TNFRSF10D: variants seen among roughly 807,000 people sequenced by gnomAD.
TNFRSF10D encodes the protein tumor necrosis factor receptor superfamily member 10D.
Under a neutral mutation model 42.1 loss-of-function variants are expected in TNFRSF10D, and 28 were observed. That is an observed-to-expected ratio of 0.66 (90% CI 0.49 to 0.91). The LOEUF (loss-of-function observed/expected upper bound fraction) is 0.91, where lower values mean the gene tolerates loss of function less well. Among genes scored for constraint, TNFRSF10D ranks in the 40% least tolerant of loss-of-function variants. TNFRSF10D has a pLI of 0.00. For synonymous variants in TNFRSF10D, 186 were observed against 189.4 expected (o/e 0.98, Z 0.15); for missense variants, 503 against 486.1 (o/e 1.03, Z -0.33).
chr8:23,163,482 G>A (rs1009439907), intron 1 of TNFRSF10D, among the ~76,000 whole-genome samples: 3 of 152,112 alleles, frequency 2.0e-5, no homozygotes. Context: ...GTTCACTCCG[G>A]GGTTTCCATC....
rs778234619 is a variant in TNFRSF10D at position 23,147,023 on chromosome 8, C to A, written c.420G>T (p.Gln140His). The A allele has an allele frequency of 2.5e-6, 4 of 1,613,784 alleles. No homozygotes were observed. The South Asian group carries it at 3.3e-5, about 13-fold the overall frequency. ...TATCCTGGAAGCTTCCTTTTTCACACTGACACACGGTGTCTCTGGTCGTGG... is the reference window on the plus strand; with the variant it reads ...TATCCTGGAAGCTTCCTTTTTCACAATGACACACGGTGTCTCTGGTCGTGG... ...SCTTTRDTVC[Q>H]CEKGSFQDKN... Residue 140 changes from glutamine (Q) to histidine (H), a missense_variant, in exon 4 of 9, where the codon CAG becomes CAT. Coordinates refer to ENST00000312584, the MANE Select transcript of TNFRSF10D (RefSeq NM_003840.5).
chr8:23,149,142 A>C (rs1800175096), intron 2 of TNFRSF10D, among the ~76,000 whole-genome samples: 1 of 140,984 alleles, frequency 7.1e-6, no homozygotes, highest in South Asian at 2.4e-4. Context: ...GTGAGCTGAG[A>C]CTGTGCCACT....
At chr8:23,158,435 G>A (rs988552656) in intron 1 of TNFRSF10D, among the ~76,000 whole-genome samples, 30 of 152,286 alleles carry the variant, frequency 2.0e-4, no homozygotes, top group Non-Finnish European at 3.8e-4. Context: ...GCTTTCCACA[G>A]ACAGCATCTG....
At chr8:23,158,909 T>C (rs1186247879) in intron 1 of TNFRSF10D, among the ~76,000 whole-genome samples, 7 of 152,226 alleles carry the variant, frequency 4.6e-5, no homozygotes. Flanking sequence ...GATAAGATAA[T>C]GACATGTCTA....
In TNFRSF10D at chr8:23,144,570, C is replaced by T. The variant is rs1800083979; in HGVS notation, c.834G>A (p.Glu278=). The change falls in exon 7 of 9, where the codon GAG becomes GAA. Residue 278 remains glutamate, a synonymous_variant. Transcript: ENST00000312584. ...VPGAEDNARN[E]TLSNRYLQPT... The stretch of plus-strand genomic sequence containing the variant: ...GCTGCAAGTATCTGTTACTCAGGGT[C>T]TCGTTGCGGGCATTGTCCTCCGCCC... 4 of 1,614,072 alleles carry T rather than the reference C, an allele frequency of 2.5e-6. No homozygotes were observed. The highest frequency in any genetic ancestry group is 1.3e-5 in the African/African-American group (1 of 74,932).
intron 1 of TNFRSF10D, among the ~76,000 whole-genome samples, chr8:23,158,899 G>A (rs559615078): frequency 1.3e-5 from 2 of 152,280 alleles, no homozygotes; most frequent in South Asian, 4.1e-4. Flanking sequence ...CTATCGCCGC[G>A]ATAAGATAAT....
At chr8:23,146,090 G>T (rs1334338565) in intron 4 of TNFRSF10D, among the ~76,000 whole-genome samples, 169 bp from the exon 5 acceptor site, 2 of 152,208 alleles carry the variant, frequency 1.3e-5, no homozygotes, top group African/African-American at 4.8e-5. Flanking sequence ...CTGGGGAAGG[G>T]TCTGAGCATG....
In TNFRSF10D at chr8:23,137,454, T is replaced by C. The variant is rs142028041; in HGVS notation, c.*416A>G. The C allele has an allele frequency of 5.9e-3, 934 of 158,420 alleles. No individual in the cohort carries two copies. The highest frequency in any genetic ancestry group is 0.019 in the African/African-American group (789 of 41,552). The allele number at this position is 158,420 out of a possible 1,614,324, so 9.8% of individuals were successfully genotyped here. On this transcript the variant is annotated 3_prime_UTR_variant, in exon 9 of 9. Coordinates refer to ENST00000312584, the MANE Select transcript of TNFRSF10D (RefSeq NM_003840.5). ...TCTCATGATGAAGAACTGCAAAGAA[T>C]GACATCCTAAAACCACTTTTTTTCT...
intron 2 of TNFRSF10D, among the ~76,000 whole-genome samples, chr8:23,153,593 T>G (rs1367777181): frequency 5.4e-3 from 828 of 151,932 alleles, no homozygotes; most frequent in African/African-American, 0.017. Flanking sequence ...AAAGAAGACA[T>G]AGAAGTGGCC....
intron 1 of TNFRSF10D, among the ~76,000 whole-genome samples, chr8:23,159,626 G>A (rs940736654): frequency 1.2e-4 from 19 of 152,128 alleles, no homozygotes; most frequent in African/African-American, 4.6e-4. Context: ...CATTTTGGAA[G>A]GCTGAGATGG....
In TNFRSF10D at chr8:23,163,989, C is replaced by T. The variant is rs1283889618; in HGVS notation, c.-54G>A. 2.0e-6 allele frequency: 3 copies of T among 1,502,564 alleles called. No homozygotes were observed. Among genetic ancestry groups the T allele is most frequent in the African/African-American group, 1.4e-5 (1 of 68,966 alleles). The allele number at this position is 1,502,564 out of a possible 1,614,324, so 93.1% of individuals were successfully genotyped here. ...CCAAAAATCAATCAGAAATCGTCCC[C>T]GTAGTTTGTGCGCGTGCAAAGGTTC... On this transcript the variant is annotated 5_prime_UTR_variant, in exon 1 of 9. Transcript: ENST00000312584.
chr8:23,154,152 G>A (rs1412707272), intron 2 of TNFRSF10D, among the ~76,000 whole-genome samples: 2 of 152,164 alleles, frequency 1.3e-5, no homozygotes, highest in Non-Finnish European at 2.9e-5. Flanking sequence ...TCACATATGT[G>A]GAATCTTAAA....
At chr8:23,146,195 A>AG (rs991766525) in intron 4 of TNFRSF10D, among the ~76,000 whole-genome samples, 2 of 152,192 alleles carry the variant, frequency 1.3e-5, no homozygotes, top group African/African-American at 4.8e-5. Flanking sequence ...CCTGGGCTGC[A>AG]GGGGAGGCCT....
intron 7 of TNFRSF10D, among the ~76,000 whole-genome samples, chr8:23,143,620 T>C (rs1800065316): frequency 6.6e-6 from 1 of 152,050 alleles, no homozygotes; most frequent in African/African-American, 2.4e-5. Flanking sequence ...GAACCTTGTC[T>C]AGGTAAGTAT....
chr8:23,152,187 A>T, intron 2 of TNFRSF10D, among the ~76,000 whole-genome samples: 1 of 152,228 alleles, frequency 6.6e-6, no homozygotes, highest in East Asian at 1.9e-4. Context: ...ACACAGAGGA[A>T]GCAACACAAC....
At chr8:23,138,564 C>A (rs993026923) in intron 7 of TNFRSF10D, among the ~76,000 whole-genome samples, 2 of 152,080 alleles carry the variant, frequency 1.3e-5, no homozygotes, top group Admixed American at 6.6e-5. Flanking sequence ...CCCCTTCTGC[C>A]CCATCTAATC....
rs751324527 is a variant in TNFRSF10D at position 23,144,544 on chromosome 8, G to T, written c.860C>A (p.Pro287His). ...NETLSNRYLQ[P>H]TQVSEQEIQG... ...GATTTCCTGCTCAGAGACCTGGGTG[G>T]GCTGCAAGTATCTGTTACTCAGGGT... Residue 287 changes from proline (P) to histidine (H), a missense_variant, in exon 7 of 9, where the codon CCC becomes CAC. Transcript: ENST00000312584. 2 of 1,614,058 alleles carry T rather than the reference G, an allele frequency of 1.2e-6. No individual in the cohort carries two copies. The highest frequency in any genetic ancestry group is 2.7e-5 in the African/African-American group (2 of 74,924).
Position 23,137,659 on chromosome 8 carries a change from A to G in TNFRSF10D, c.*211T>C. On this transcript the variant is annotated 3_prime_UTR_variant, in exon 9 of 9. Coordinates refer to ENST00000312584, the MANE Select transcript of TNFRSF10D (RefSeq NM_003840.5). ...ACTATGCAGCCAAGAATCTGATATA[A>G]ATTTCTCCCGTTTGCTTATCACACG... 1.8e-6 allele frequency: 1 copy of G among 562,648 alleles called. No homozygotes were observed. The highest frequency in any genetic ancestry group is 3.0e-6 in the Non-Finnish European group (1 of 337,768). 34.9% of individuals were successfully genotyped at this position (562,648 alleles called of 1,614,324 possible). A position where few individuals can be genotyped will look rare whatever the true frequency, so the allele number is the denominator to read the frequency against.
At position 23,154,962 on chromosome 8, in the gene TNFRSF10D, G is replaced by A; in HGVS notation, c.168C>T (p.Ala56=). 2 of 1,612,520 alleles carry A rather than the reference G, an allele frequency of 1.2e-6. No individual in the cohort carries two copies. Among genetic ancestry groups the A allele is most frequent in the Non-Finnish European group, 1.7e-6 (2 of 1,179,288 alleles). The change falls in exon 2 of 9, where the codon GCC becomes GCT. Residue 56 remains alanine (A), a synonymous_variant. Coordinates refer to ENST00000312584, the MANE Select transcript of TNFRSF10D (RefSeq NM_003840.5). ...GAACTTCGTCCTGCCGGGGGATGGT[G>A]GCAGAGTCAACCCGGACCTGTGGGG... ...AVLLPVRVDS[A]TIPRQDEVPQ...
Sources: allele counts gnomAD v4.1 joint callset (sites outside exome capture counted in the v4.1 genomes callset), GRCh38; gene constraint gnomAD v4.1.1; transcripts MANE v1.5; gene names NCBI Gene and HGNC (gene_info 2026-07-23, HGNC 2026-07-21).